EBF1: variants seen among roughly 807,000 people sequenced by gnomAD.
EBF1 encodes the protein transcription factor COE1.
A neutral mutation model predicts 68.4 loss-of-function variants in EBF1; 10 were observed. The ratio of observed to expected loss-of-function variants is 0.15; its 90% CI spans 0.09 to 0.25. EBF1 has a LOEUF of 0.25. Among genes scored for constraint, EBF1 ranks in the 10% least tolerant of loss-of-function variants. EBF1 has a pLI of 1.00. For missense variants in EBF1, 509 were observed against 794.4 expected, an observed-to-expected ratio of 0.64 and a Z score of 4.32; for synonymous variants, 298 against 299.8, an observed-to-expected ratio of 0.99 and a Z score of 0.06.
At chr5:158,913,825 T>G (rs1338990211) in intron 6 of EBF1, among the ~76,000 whole-genome samples, 1 of 152,228 alleles carries the variant, frequency 6.6e-6, no homozygotes, top group East Asian at 1.9e-4. Context: ...GAAATAAATA[T>G]GCTCCGCAAA....
At chr5:158,738,248 A>G (rs574906701) in intron 10 of EBF1, among the ~76,000 whole-genome samples, 1 of 152,314 alleles carries the variant, frequency 6.6e-6, no homozygotes, top group South Asian at 2.1e-4. Context: ...TCCTCTACTA[A>G]CTGGAATGTA....
chr5:159,087,242 G>A (rs2127988672), intron 4 of EBF1, among the ~76,000 whole-genome samples: 1 of 148,060 alleles, frequency 6.8e-6, no homozygotes, highest in East Asian at 2.0e-4. Context: ...GATACTGATG[G>A]GGCTTTCCCT....
intron 10 of EBF1, among the ~76,000 whole-genome samples, chr5:158,767,263 C>A (rs914664943): frequency 6.6e-6 from 1 of 151,990 alleles, no homozygotes; most frequent in Non-Finnish European, 1.5e-5. Context: ...TTATTTCATA[C>A]TTTTTTGTAT....
At chr5:159,077,597 A>T (rs1283155448) in intron 5 of EBF1, among the ~76,000 whole-genome samples, 1 of 152,154 alleles carries the variant, frequency 6.6e-6, no homozygotes, top group African/African-American at 2.4e-5. Context: ...AGACCCCAGC[A>T]ACTAGAACTG....
chr5:158,936,551 C>T (rs1478361907), intron 6 of EBF1, among the ~76,000 whole-genome samples: 2 of 152,222 alleles, frequency 1.3e-5, no homozygotes, highest in African/African-American at 2.4e-5. Context: ...CGGTAGGCTT[C>T]GTAGGCTTAC....
At chr5:158,948,610 C>A (rs552972009) in intron 6 of EBF1, among the ~76,000 whole-genome samples, 1 of 152,244 alleles carries the variant, frequency 6.6e-6, no homozygotes, top group Non-Finnish European at 1.5e-5. Flanking sequence ...GAAATCTGGA[C>A]GTGGACACCA....
At chr5:159,057,164 T>C (rs1774930776) in intron 6 of EBF1, among the ~76,000 whole-genome samples, 1 of 145,932 alleles carries the variant, frequency 6.9e-6, no homozygotes, top group Non-Finnish European at 1.5e-5. Flanking sequence ...TGAAGTGCAA[T>C]GGCACCATCT....
intron 5 of EBF1, among the ~76,000 whole-genome samples, chr5:159,076,710 A>C (rs965902819): frequency 6.6e-6 from 1 of 152,214 alleles, no homozygotes; most frequent in Non-Finnish European, 1.5e-5. Flanking sequence ...TCACATAGTC[A>C]TTATTCCTGA....
intron 15 of EBF1, among the ~76,000 whole-genome samples, chr5:158,707,177 C>T (rs1270142320): frequency 6.6e-6 from 1 of 152,162 alleles, no homozygotes; most frequent in African/African-American, 2.4e-5. Flanking sequence ...CCACACAATC[C>T]TGCTGGGGGC....
At chr5:159,010,296 C>A (rs1207338584) in intron 6 of EBF1, among the ~76,000 whole-genome samples, 2 of 152,178 alleles carry the variant, frequency 1.3e-5, no homozygotes, top group Non-Finnish European at 2.9e-5. Flanking sequence ...ATAACCTTAC[C>A]TACAGAGGTT....
chr5:158,712,365 G>A, intron 13 of EBF1, 32 bp from the exon 14 acceptor site: 1 of 1,608,936 alleles, frequency 6.2e-7, no homozygotes. Context: ...GGAGGTGAGG[G>A]TGGCATTCAG....
intron 6 of EBF1, among the ~76,000 whole-genome samples, chr5:158,896,621 T>C (rs377481100): frequency 2.0e-5 from 3 of 152,198 alleles, no homozygotes; most frequent in African/African-American, 7.2e-5. Flanking sequence ...ATTTCAAAGT[T>C]CTTGTTTCTC....
intron 6 of EBF1, among the ~76,000 whole-genome samples, chr5:159,036,404 A>G (rs1334890725): frequency 2.0e-5 from 3 of 150,080 alleles, no homozygotes; most frequent in Non-Finnish European, 4.4e-5. Flanking sequence ...ACTTCAAACT[A>G]TACTACAAGG....
At chr5:159,040,055 C>G (rs1015477404) in intron 6 of EBF1, among the ~76,000 whole-genome samples, 3 of 152,178 alleles carry the variant, frequency 2.0e-5, no homozygotes, top group Non-Finnish European at 4.4e-5. Context: ...CTTAAAGACT[C>G]CACAAACACA....
In EBF1 at chr5:159,099,544, A is replaced by C; in HGVS notation, c.-66T>G. On this transcript the variant is annotated 5_prime_UTR_variant, in exon 1 of 16. Coordinates refer to ENST00000313708, the MANE Select transcript of EBF1 (RefSeq NM_024007.5). ...AAAAAATTAAAAAAAAAAAAAAAGG[A>C]AAGAAAAGAAAGAAAAGAAAAGAAA... The C allele has an allele frequency of 7.2e-7, 1 of 1,379,694 alleles. No homozygotes were observed. Among genetic ancestry groups the C allele is most frequent in the Non-Finnish European group, 9.5e-7 (1 of 1,056,138 alleles). 85.5% of individuals were successfully genotyped at this position (1,379,694 alleles called of 1,614,324 possible). A position where few individuals can be genotyped will look rare whatever the true frequency, so the allele number is the denominator to read the frequency against.
At chr5:158,797,056 T>C (rs1490563076) in intron 8 of EBF1, among the ~76,000 whole-genome samples, 3 of 152,186 alleles carry the variant, frequency 2.0e-5, no homozygotes, top group Admixed American at 1.3e-4. Context: ...ATGTGAAGAA[T>C]GCAGGTCACT....
At chr5:158,978,648 G>A (rs1757253727) in intron 6 of EBF1, among the ~76,000 whole-genome samples, 1 of 151,628 alleles carries the variant, frequency 6.6e-6, no homozygotes, top group Non-Finnish European at 1.5e-5. Flanking sequence ...TACATTATCT[G>A]GAAAGAATTT....
chr5:158,718,679 C>A (rs941649110), intron 11 of EBF1, among the ~76,000 whole-genome samples: 2 of 152,174 alleles, frequency 1.3e-5, no homozygotes, highest in African/African-American at 4.8e-5. Flanking sequence ...AGTGGCTGAG[C>A]ATGGATTCAA....
chr5:159,015,434 G>C (rs1305583288), intron 6 of EBF1, among the ~76,000 whole-genome samples: 1 of 152,226 alleles, frequency 6.6e-6, no homozygotes. Context: ...CAGGAACTCA[G>C]CTTGGAGCTG....
Sources: allele counts gnomAD v4.1 joint callset (sites outside exome capture counted in the v4.1 genomes callset), GRCh38; gene constraint gnomAD v4.1.1; transcripts MANE v1.5; gene names NCBI Gene and HGNC (gene_info 2026-07-23, HGNC 2026-07-21).